The following SRD5A2 variants were observed in gnomAD, a reference collection of about 807,000 sequenced individuals.
The protein encoded by SRD5A2 is steroid 5 alpha-reductase 2.
A neutral mutation model predicts 27.4 loss-of-function variants in SRD5A2; 30 were observed. The ratio of observed to expected loss-of-function variants is 1.10; its 90% CI spans 0.82 to 1.49. The LOEUF (loss-of-function observed/expected upper bound fraction) is 1.49, where lower values mean the gene tolerates loss of function less well. Ranked by LOEUF, SRD5A2 falls within the 40% of genes most tolerant of loss-of-function variation. The pLI is 0.00. For missense variants in SRD5A2, 348 were observed against 323.4 expected, an observed-to-expected ratio of 1.08 and a Z score of -0.58; for synonymous variants, 141 against 133.6, an observed-to-expected ratio of 1.06 and a Z score of -0.38.
At chr2:31,652,398 G>A in the SRD5A2 span, among the ~76,000 whole-genome samples, 1 of 151,874 alleles carries the variant, frequency 6.6e-6, no homozygotes, top group Non-Finnish European at 1.5e-5. Flanking sequence ...GTCAAAATAT[G>A]CACTCAGTAT....
At chr2:31,651,016 T>C in the SRD5A2 span, among the ~76,000 whole-genome samples, 2 of 152,236 alleles carry the variant, frequency 1.3e-5, no homozygotes, top group Non-Finnish European at 2.9e-5. Context: ...TCCACCTGCC[T>C]TCTGCAGGCC....
chr2:31,616,775 T>C, the SRD5A2 span, among the ~76,000 whole-genome samples: 55 of 152,248 alleles, frequency 3.6e-4, no homozygotes, highest in African/African-American at 1.3e-3. Context: ...AGTTAAGACT[T>C]TGGGGGGCTG....
chr2:31,655,113 T>G, the SRD5A2 span, among the ~76,000 whole-genome samples: 1 of 152,164 alleles, frequency 6.6e-6, no homozygotes, highest in African/African-American at 2.4e-5. Flanking sequence ...ATTTTTATTT[T>G]TATCTTAGAT....
At chr2:31,654,678 A>G in the SRD5A2 span, among the ~76,000 whole-genome samples, 1 of 152,224 alleles carries the variant, frequency 6.6e-6, no homozygotes, top group African/African-American at 2.4e-5. Context: ...GCATCCACTC[A>G]AGCCTTAAAA....
At chr2:31,583,614 G>GAAAAAAAAA (rs1215302510), upstream of SRD5A2, among the ~76,000 whole-genome samples, 5 of 19,062 alleles carry the variant, frequency 2.6e-4, no homozygotes, top group Admixed American at 8.1e-4. Context: ...CTCCTTCCAG[G>GAAAAAAAAA]AAAAAAAAAA....
chr2:31,615,074 G>A, the SRD5A2 span, among the ~76,000 whole-genome samples: 2 of 152,166 alleles, frequency 1.3e-5, no homozygotes, highest in Admixed American at 6.6e-5. Context: ...CCCCAGCCAC[G>A]TGGAACTGTG....
rs570107653 is a variant in SRD5A2 at position 31,540,512 on chromosome 2, C to T, written c.282-6746G>A. On this transcript the variant is annotated intron_variant, in intron 1 of 4. Transcript: ENST00000622030. ...GTAATAAAAAGGGGAAAAGATGTATCATAAAAACATTAAATAAAGGAAGGT... is the reference window on the plus strand; with the variant it reads ...GTAATAAAAAGGGGAAAAGATGTATTATAAAAACATTAAATAAAGGAAGGT... Among the ~76,000 whole-genome samples the T allele has an allele frequency of 7.9e-5, 12 of 152,212 alleles. No homozygotes were observed. In the South Asian group the frequency reaches 2.5e-3, roughly 32 times the overall value.
chr2:31,524,681 A>G lies in SRD5A2; in HGVS notation c.*1515T>C, dbSNP rs1665733356. 4.3e-6 allele frequency: 1 copy of G among 231,290 alleles called. No homozygotes were observed. Among genetic ancestry groups the G allele is most frequent in the African/African-American group, 2.2e-5 (1 of 45,276 alleles). The allele number at this position is 231,290 out of a possible 1,614,324, so 14.3% of individuals were successfully genotyped here. ...ATCTACATCATCCTCAGACCTTTCA[A>G]GTTTCCTATGTGACTTATATAGTGA... On this transcript the variant is annotated 3_prime_UTR_variant, in exon 5 of 5. Coordinates refer to ENST00000622030, the MANE Select transcript of SRD5A2 (RefSeq NM_000348.4).
At chr2:31,656,907 G>A in the SRD5A2 span, among the ~76,000 whole-genome samples, 1 of 152,096 alleles carries the variant, frequency 6.6e-6, no homozygotes, top group Non-Finnish European at 1.5e-5. Context: ...CATAGCCCCA[G>A]TATAATCATG....
At chr2:31,603,835 C>A in the SRD5A2 span, among the ~76,000 whole-genome samples, 2,714 of 151,874 alleles carry the variant, frequency 0.018, 54 homozygotes, top group African/African-American at 0.038. Context: ...CATGTGGGAA[C>A]TGAATGATAA....
chr2:31,634,012 G>A, the SRD5A2 span, among the ~76,000 whole-genome samples: 6 of 152,114 alleles, frequency 3.9e-5, no homozygotes, highest in South Asian at 2.1e-4. Flanking sequence ...ATCATCTATC[G>A]CTTGAGAGCA....
intron 4 of SRD5A2, among the ~76,000 whole-genome samples, chr2:31,528,546 T>C (rs1458047206): frequency 6.6e-6 from 1 of 152,148 alleles, no homozygotes; most frequent in Non-Finnish European, 1.5e-5. Flanking sequence ...GGCAGGCAGA[T>C]CACTTGAGGT....
chr2:31,640,871 AG>A, the SRD5A2 span, among the ~76,000 whole-genome samples: 1 of 152,000 alleles, frequency 6.6e-6, no homozygotes, highest in Admixed American at 6.6e-5. Flanking sequence ...CAAAAAAAAA[AG>A]TCTCCTGCCA....
upstream of SRD5A2, among the ~76,000 whole-genome samples, chr2:31,581,802 G>A (rs905953420): frequency 7.9e-5 from 12 of 152,160 alleles, no homozygotes; most frequent in Non-Finnish European, 5.9e-5. Context: ...ATGAGCCGTG[G>A]CCCATCAGGT....
chr2:31,608,641 A>G, the SRD5A2 span, among the ~76,000 whole-genome samples: 1 of 152,084 alleles, frequency 6.6e-6, no homozygotes, highest in Non-Finnish European at 1.5e-5. Context: ...AAAACCTGAA[A>G]TGAAATTACA....
chr2:31,643,911 T>A, the SRD5A2 span, among the ~76,000 whole-genome samples: 2 of 152,206 alleles, frequency 1.3e-5, no homozygotes, highest in Non-Finnish European at 2.9e-5. Context: ...TATAGAAGGA[T>A]AGAATTAGAA....
the SRD5A2 span, among the ~76,000 whole-genome samples, chr2:31,598,584 T>C: frequency 3.8e-4 from 58 of 152,116 alleles, no homozygotes; most frequent in African/African-American, 1.2e-3. Context: ...TTAATGCAAA[T>C]AATGTTGTTA....
At chr2:31,625,976 A>C in the SRD5A2 span, among the ~76,000 whole-genome samples, 2 of 152,258 alleles carry the variant, frequency 1.3e-5, 1 homozygote, top group South Asian at 4.1e-4. Context: ...CACCATATTG[A>C]TTCTTCCCAT....
At chr2:31,565,128 T>C (rs1374290131) in intron 1 of SRD5A2, among the ~76,000 whole-genome samples, 1 of 151,948 alleles carries the variant, frequency 6.6e-6, no homozygotes, top group Non-Finnish European at 1.5e-5. Context: ...TGAAGTGGTA[T>C]AATATCACCT....
Sources: gnomAD v4.1 joint callset for allele counts (sites outside exome capture counted in the v4.1 genomes callset) on GRCh38, gnomAD v4.1.1 for gene constraint, MANE v1.5 for transcripts, NCBI Gene and HGNC (gene_info 2026-07-23, HGNC 2026-07-21) for gene names.